BTBD7: variants seen among roughly 807,000 people sequenced by gnomAD.
The protein encoded by BTBD7 is BTB/POZ domain-containing protein 7.
A neutral mutation model predicts 99.9 loss-of-function variants in BTBD7; 38 were observed. The observed-to-expected ratio is 0.38, with a 90% confidence interval of 0.29 to 0.50. BTBD7 has a LOEUF of 0.50. BTBD7 is among the 20% of genes least tolerant of loss of function. The pLI is 0.93. For missense variants in BTBD7, 1,170 were observed against 1,394.6 expected (o/e 0.84, Z 2.57); for synonymous variants, 520 against 511.4 (o/e 1.02, Z -0.23).
At position 93,254,039 on chromosome 14, in the gene BTBD7, G is replaced by A. The variant is rs953909063; in HGVS notation, c.1609-249C>T. On this transcript the variant is annotated intron_variant, in intron 6 of 10. Transcript: ENST00000334746. Reference sequence around the variant, plus strand: ...TGCAACCTCCGTCTCCTGGATTCAAGCGATTCTCCTGCCTCAGCCTCCCGA... The same window carrying A: ...TGCAACCTCCGTCTCCTGGATTCAAACGATTCTCCTGCCTCAGCCTCCCGA... 1.4e-4 allele frequency among the ~76,000 whole-genome samples: 22 copies of A among 151,798 alleles called. No homozygotes were observed. The East Asian group carries it at 2.1e-3, about 15-fold the overall frequency.
intron 3 of BTBD7, among the ~76,000 whole-genome samples, chr14:93,268,590 CTATTAT>C (rs980817502): frequency 2.2e-4 from 34 of 151,984 alleles, no homozygotes; most frequent in African/African-American, 7.7e-4. Context: ...ATTATTATTA[CTATTAT>C]TATCATCCCC....
At chr14:93,327,988 A>G (rs1391631236) in intron 1 of BTBD7, among the ~76,000 whole-genome samples, 1 of 152,264 alleles carries the variant, frequency 6.6e-6, no homozygotes, top group Non-Finnish European at 1.5e-5. Context: ...ACAATGAACA[A>G]TCCAAAAGAG....
intron 3 of BTBD7, among the ~76,000 whole-genome samples, chr14:93,265,922 G>GAAAC (rs907430147): frequency 5.3e-5 from 8 of 152,052 alleles, no homozygotes; most frequent in African/African-American, 7.2e-5. Flanking sequence ...ACTCTGTCTC[G>GAAAC]AAACAAACAA....
chr14:93,242,965 C>T lies in BTBD7; in HGVS notation c.2707G>A (p.Glu903Lys). 1.9e-6 allele frequency: 3 copies of T among 1,614,108 alleles called. No homozygotes were observed. The highest frequency in any genetic ancestry group is 1.7e-6 in the Non-Finnish European group (2 of 1,180,026). The change falls in exon 11 of 11, where the codon GAA becomes AAA. Residue 903 changes from glutamate to lysine, a missense_variant. Coordinates refer to ENST00000334746, the MANE Select transcript of BTBD7 (RefSeq NM_001002860.4). ...VDTELSQSVS[E>K]AGPGPPQHLS... ...TGCTGGGGAGGCCCTGGTCCTGCTTCAGAAACTGACTGGCTTAATTCTGTG... is the reference window on the plus strand; with the variant it reads ...TGCTGGGGAGGCCCTGGTCCTGCTTTAGAAACTGACTGGCTTAATTCTGTG...
intron 4 of BTBD7, among the ~76,000 whole-genome samples, chr14:93,262,102 G>GACTACAGC (rs2139703650): frequency 6.6e-6 from 1 of 151,778 alleles, no homozygotes; most frequent in Non-Finnish European, 1.5e-5. Flanking sequence ...GAGCAGCTGG[G>GACTACAGC]ACTACAGGTA....
At chr14:93,269,660 T>C (rs17128974) in intron 3 of BTBD7, among the ~76,000 whole-genome samples, 2,019 of 152,316 alleles carry the variant, frequency 0.013, 42 homozygotes, top group African/African-American at 0.045. Flanking sequence ...ACCAATACTT[T>C]AGTAAAATTC....
At chr14:93,298,631 A>T (rs1286120261) in intron 1 of BTBD7, among the ~76,000 whole-genome samples, 1 of 152,214 alleles carries the variant, frequency 6.6e-6, no homozygotes, top group Non-Finnish European at 1.5e-5. Flanking sequence ...ATTTCAGATA[A>T]GGAATACTCA....
intron 5 of BTBD7, among the ~76,000 whole-genome samples, chr14:93,260,362 C>G (rs2052473808): frequency 6.6e-6 from 1 of 152,110 alleles, no homozygotes. Context: ...TAAAGGAATA[C>G]AACGATGTTT....
intron 1 of BTBD7, among the ~76,000 whole-genome samples, chr14:93,325,352 T>TGCCGACCTCAGGTGATCC (rs757108055): frequency 0.01 from 1,588 of 152,178 alleles, 19 homozygotes; most frequent in Middle Eastern, 0.027. Flanking sequence ...TCAGGTGATC[T>TGCCGACCTCAGGTGATCC]GCCGACCTCA....
intron 3 of BTBD7, among the ~76,000 whole-genome samples, chr14:93,268,590 CTAT>C (rs980817502): frequency 1.3e-5 from 2 of 152,102 alleles, no homozygotes; most frequent in South Asian, 2.1e-4. Flanking sequence ...ATTATTATTA[CTAT>C]TATTATCATC....
chr14:93,316,546 G>A (rs568758009), intron 1 of BTBD7, among the ~76,000 whole-genome samples: 1 of 152,248 alleles, frequency 6.6e-6, no homozygotes, highest in South Asian at 2.1e-4. Flanking sequence ...ACCATACTGG[G>A]CATAACATGT....
chr14:93,281,766 G>A (rs1260742317), intron 3 of BTBD7, among the ~76,000 whole-genome samples: 2 of 152,158 alleles, frequency 1.3e-5, no homozygotes, highest in Admixed American at 6.6e-5. Context: ...TCACTAATAA[G>A]GATTTGGGAA....
chr14:93,315,746 C>T (rs1182880271), intron 1 of BTBD7, among the ~76,000 whole-genome samples: 3 of 152,044 alleles, frequency 2.0e-5, no homozygotes, highest in South Asian at 2.1e-4. Context: ...CTACTTTATT[C>T]CTCTTTATTT....
In BTBD7 at chr14:93,297,004, C is replaced by A. The variant is rs1430152714; in HGVS notation, c.-106-847G>T. On this transcript the variant is annotated intron_variant, in intron 1 of 10. Transcript: ENST00000334746. ...ATGGAAATACTTCTAAATCTTTACA[C>A]CATCTGGATATATAAAATCTATCTG... is the stretch of plus-strand genomic sequence containing the variant. Among the ~76,000 whole-genome samples the A allele has an allele frequency of 2.0e-5, 3 of 152,174 alleles. No individual in the cohort carries two copies. In the East Asian group the frequency reaches 5.8e-4, roughly 29 times the overall value.
At chr14:93,317,408 G>A (rs1566864151) in intron 1 of BTBD7, among the ~76,000 whole-genome samples, 1 of 151,230 alleles carries the variant, frequency 6.6e-6, no homozygotes, top group Non-Finnish European at 1.5e-5. Context: ...TGTCGCCCAG[G>A]CTGGAGTGCA....
chr14:93,253,493 ATTCTG>A (rs1473850863), intron 7 of BTBD7, among the ~76,000 whole-genome samples, 149 bp downstream of exon 7: 1 of 152,248 alleles, frequency 6.6e-6, no homozygotes, highest in African/African-American at 2.4e-5. Context: ...TTAGAAAACT[ATTCTG>A]TTGAGTAGTC....
At chr14:93,327,647 A>G (rs1487704829) in intron 1 of BTBD7, among the ~76,000 whole-genome samples, 1 of 152,216 alleles carries the variant, frequency 6.6e-6, no homozygotes, top group East Asian at 1.9e-4. Context: ...TCAAGGTCTT[A>G]TATAAAAAAC....
At chr14:93,275,696 A>AC (rs1423318531) in intron 3 of BTBD7, among the ~76,000 whole-genome samples, 6 of 152,204 alleles carry the variant, frequency 3.9e-5, no homozygotes, top group African/African-American at 1.4e-4. Flanking sequence ...TAGGCTATGA[A>AC]TCTGTACAGT....
intron 3 of BTBD7, among the ~76,000 whole-genome samples, chr14:93,292,287 G>A (rs1377104936): frequency 6.6e-6 from 1 of 151,666 alleles, no homozygotes; most frequent in Non-Finnish European, 1.5e-5. Flanking sequence ...AAAATATTTT[G>A]AGAAAATATA....
Sources: allele counts gnomAD v4.1 joint callset (sites outside exome capture counted in the v4.1 genomes callset), GRCh38; gene constraint gnomAD v4.1.1; transcripts MANE v1.5; gene names NCBI Gene and HGNC (gene_info 2026-07-23, HGNC 2026-07-21).